The following RBM20 variants were observed in gnomAD, a reference collection of about 807,000 sequenced individuals.
RBM20 encodes the protein RNA-binding protein 20.
Under a neutral mutation model 110.1 loss-of-function variants are expected in RBM20, and 51 were observed. The ratio of observed to expected loss-of-function variants is 0.46; its 90% CI spans 0.37 to 0.59. The LOEUF (loss-of-function observed/expected upper bound fraction) is 0.59, where lower values mean the gene tolerates loss of function less well. RBM20 is among the 20% of genes least tolerant of loss of function. The probability of loss-of-function intolerance (pLI) is 0.00; values close to 1 mark genes in which losing one functional copy is unlikely to be tolerated. For missense variants in RBM20, 1,512 were observed against 1,574.9 expected (o/e 0.96, Z 0.68); for synonymous variants, 589 against 618.2 (o/e 0.95, Z 0.70).
chr10:110,730,260 ACTT>A (rs1843607046), intron 1 of RBM20, among the ~76,000 whole-genome samples: 1 of 152,226 alleles, frequency 6.6e-6, no homozygotes, highest in African/African-American at 2.4e-5. Flanking sequence ...GTTTCCTCGG[ACTT>A]CTGTTCTCCT....
chr10:110,763,691 A>G (rs1173722606), intron 1 of RBM20, among the ~76,000 whole-genome samples: 1 of 151,968 alleles, frequency 6.6e-6, no homozygotes, highest in Non-Finnish European at 1.5e-5. Flanking sequence ...TAAGTAATCA[A>G]ACTCTGAATG....
chr10:110,835,982 T>G lies in RBM20; in HGVS notation c.*4T>G, dbSNP rs940310736. 2 of 1,028,920 alleles carry G rather than the reference T, an allele frequency of 1.9e-6. No individual in the cohort carries two copies. Among genetic ancestry groups the G allele is most frequent in the South Asian group, 2.9e-5 (2 of 68,156 alleles). The allele number at this position is 1,028,920 out of a possible 1,614,324, so 63.7% of individuals were successfully genotyped here. A position where few individuals can be genotyped will look rare whatever the true frequency, so the allele number is the denominator to read the frequency against. On this transcript the variant is annotated 3_prime_UTR_variant, in exon 14 of 14. Coordinates refer to ENST00000369519, the MANE Select transcript of RBM20 (RefSeq NM_001134363.3). ...CTTCGAAAGGAAAAAGCTCTGATGC[T>G]TCTGCTTCTGCTGCTACTGCTGCTG...
chr10:110,834,690 G>T (rs1411236804), intron 13 of RBM20, among the ~76,000 whole-genome samples: 1 of 152,200 alleles, frequency 6.6e-6, no homozygotes, highest in Non-Finnish European at 1.5e-5. Flanking sequence ...TAACTCGCCT[G>T]CTGAGGGATA....
chr10:110,726,611 G>A (rs192712346), intron 1 of RBM20, among the ~76,000 whole-genome samples: 1 of 152,112 alleles, frequency 6.6e-6, no homozygotes, highest in Admixed American at 6.5e-5. Flanking sequence ...TGGTTTTTGA[G>A]GATTAAATGA....
chr10:110,684,835 TTA>T (rs1277097520), intron 1 of RBM20, among the ~76,000 whole-genome samples: 1 of 152,184 alleles, frequency 6.6e-6, no homozygotes, highest in Non-Finnish European at 1.5e-5. Flanking sequence ...CTAAATAAAG[TTA>T]TGAGTCAGAT....
At chr10:110,768,076 G>A (rs942290335) in intron 1 of RBM20, among the ~76,000 whole-genome samples, 4 of 152,232 alleles carry the variant, frequency 2.6e-5, no homozygotes, top group Admixed American at 6.5e-5. Flanking sequence ...AAAAAAATAC[G>A]AAAACCAGTC....
chr10:110,737,568 A>T (rs569238723), intron 1 of RBM20, among the ~76,000 whole-genome samples: 1 of 151,998 alleles, frequency 6.6e-6, no homozygotes, highest in South Asian at 2.1e-4. Context: ...GTCACTCTTC[A>T]GCCTCTGACG....
intron 1 of RBM20, among the ~76,000 whole-genome samples, chr10:110,751,887 G>A (rs1843858474): frequency 6.6e-6 from 1 of 152,060 alleles, no homozygotes; most frequent in South Asian, 2.1e-4. Context: ...CTTTCTGAAA[G>A]ACTGTTTTTT....
chr10:110,764,994 T>TA lies in RBM20; in HGVS notation c.192-15798dup, dbSNP rs956189219. 5.3e-5 allele frequency among the ~76,000 whole-genome samples: 8 copies of TA among 151,736 alleles called. No homozygotes were observed. In the South Asian group the frequency reaches 6.2e-4, roughly 12 times the overall value. ...GTCTGTGTCCCCACCCCCTCCGTTT[T>TA]AAAAAAAAATTAACAAATGATTCAC... On this transcript the variant is annotated intron_variant, in intron 1 of 13. Coordinates refer to ENST00000369519, the MANE Select transcript of RBM20 (RefSeq NM_001134363.3).
chr10:110,834,182 G>A (rs920592865), intron 13 of RBM20, among the ~76,000 whole-genome samples: 10 of 152,158 alleles, frequency 6.6e-5, no homozygotes, highest in East Asian at 1.9e-4. Context: ...GCCCTGGAGC[G>A]GAATGTGTCC....
chr10:110,650,973 A>G (rs1460771551), intron 1 of RBM20, among the ~76,000 whole-genome samples: 1 of 152,254 alleles, frequency 6.6e-6, no homozygotes, highest in Non-Finnish European at 1.5e-5. Flanking sequence ...TCTTTGCTCT[A>G]AGTTAATTAC....
chr10:110,792,873 G>A (rs1844502060), intron 5 of RBM20, among the ~76,000 whole-genome samples: 1 of 152,188 alleles, frequency 6.6e-6, no homozygotes, highest in Admixed American at 6.5e-5. Context: ...GGGAATGGAT[G>A]CATGGTTAAA....
At chr10:110,693,547 G>C (rs1862620305) in intron 1 of RBM20, among the ~76,000 whole-genome samples, 2 of 152,130 alleles carry the variant, frequency 1.3e-5, no homozygotes, top group Admixed American at 6.6e-5. Context: ...AAACTAAACT[G>C]TTGGCAAATT....
intron 1 of RBM20, among the ~76,000 whole-genome samples, chr10:110,667,609 C>T (rs777579182): frequency 2.6e-5 from 4 of 152,166 alleles, no homozygotes; most frequent in Non-Finnish European, 5.9e-5. Context: ...CTCCTTTCTA[C>T]CTTGTTTGCC....
Position 110,831,682 on chromosome 10 carries a change from A to AAAAAAC in RBM20, c.3573+505_3573+506insCAAAAA, listed in dbSNP as rs1554844423. The stretch of plus-strand genomic sequence containing the variant: ...TTGCTAGAATAAAAAAAAAAAAAAA[A>AAAAAAC]AAAAAAAAACACTGCTTTGTTCTTT... On this transcript the variant is annotated intron_variant, in intron 13 of 13. Transcript: ENST00000369519. Among the ~76,000 whole-genome samples the AAAAAAC allele has an allele frequency of 1.5e-3, 202 of 136,492 alleles. 3 individuals carry two copies. Among genetic ancestry groups the AAAAAAC allele is most frequent in the Middle Eastern group, 3.7e-3 (1 of 272 alleles). The allele number at this position is 136,492 out of a possible 152,430, so 89.5% of individuals were successfully genotyped here.
chr10:110,792,985 C>T (rs572055513), intron 5 of RBM20, among the ~76,000 whole-genome samples: 1 of 152,260 alleles, frequency 6.6e-6, no homozygotes, highest in South Asian at 2.1e-4. Context: ...TTGGAGAAAG[C>T]TATCATTATC....
intron 5 of RBM20, among the ~76,000 whole-genome samples, chr10:110,791,697 C>T (rs570331871): frequency 2.0e-4 from 30 of 152,308 alleles, no homozygotes; most frequent in Middle Eastern, 3.4e-3. Context: ...GTGCAGCCCC[C>T]GCATGTGAAA....
intron 1 of RBM20, among the ~76,000 whole-genome samples, chr10:110,681,286 T>C (rs1862420450): frequency 6.6e-6 from 1 of 152,232 alleles, no homozygotes; most frequent in South Asian, 2.1e-4. Flanking sequence ...CTGCCAACAC[T>C]TCCAAGAAAA....
At position 110,737,177 on chromosome 10, in the gene RBM20, C is replaced by CAAAAAAAAAAAAAAAAA. The variant is rs550138775; in HGVS notation, c.192-43620_192-43604dup. 1.7e-3 allele frequency among the ~76,000 whole-genome samples: 46 copies of CAAAAAAAAAAAAAAAAA among 26,610 alleles called. 1 individual carries two copies. The highest frequency in any genetic ancestry group is 3.8e-3 in the African/African-American group (21 of 5,582). 17.5% of individuals were successfully genotyped at this position (26,610 alleles called of 152,430 possible). A position where few individuals can be genotyped will look rare whatever the true frequency, so the allele number is the denominator to read the frequency against. On this transcript the variant is annotated intron_variant, in intron 1 of 13. Transcript: ENST00000369519. Reference sequence around the variant, plus strand: ...GGGCAAGAAGAGTGAAACTCTGCCTCAAAAAAAAAAAAAAAAAAAACACCC... The same window carrying CAAAAAAAAAAAAAAAAA: ...GGGCAAGAAGAGTGAAACTCTGCCTCAAAAAAAAAAAAAAAAAAAAAAAAAAAAAAAAAAAAACACCC...
Sources: allele counts gnomAD v4.1 joint callset (sites outside exome capture counted in the v4.1 genomes callset), GRCh38; gene constraint gnomAD v4.1.1; transcripts MANE v1.5; gene names NCBI Gene and HGNC (gene_info 2026-07-23, HGNC 2026-07-21).